Variants in RBM6 observed in about 807,000 individuals in gnomAD.
RBM6 encodes the protein RNA-binding protein 6.
In RBM6, 23 loss-of-function variants were observed where a neutral mutation model predicts 140.4. The observed-to-expected ratio is 0.16, with a 90% CI of 0.12 to 0.23. The LOEUF is 0.23. Among genes scored for constraint, RBM6 ranks in the 10% least tolerant of loss-of-function variants. The pLI is 1.00. For synonymous variants in RBM6, 439 were observed against 475.6 expected (o/e 0.92, Z 1.00); for missense variants, 1,139 against 1,386.7 (o/e 0.82, Z 2.84).
chr3:50,036,036 A>G (rs941218609), intron 6 of RBM6, among the ~76,000 whole-genome samples: 1 of 152,132 alleles, frequency 6.6e-6, no homozygotes, highest in African/African-American at 2.4e-5. Flanking sequence ...CTGGGATTAC[A>G]GACGTGAGCC....
intron 1 of RBM6, among the ~76,000 whole-genome samples, chr3:49,953,269 G>T (rs1163344160): frequency 1.3e-5 from 2 of 151,550 alleles, no homozygotes; most frequent in Non-Finnish European, 1.5e-5. Flanking sequence ...GCCCAGGTTG[G>T]AGTGCAGTGG....
chr3:50,051,047 A>AAG (rs894927174), intron 7 of RBM6, among the ~76,000 whole-genome samples: 1 of 151,974 alleles, frequency 6.6e-6, no homozygotes, highest in Admixed American at 6.6e-5. Context: ...AAGAAAAAAA[A>AAG]AGAGAGAGAG....
intron 5 of RBM6, among the ~76,000 whole-genome samples, chr3:49,995,818 A>C (rs2086058179): frequency 6.6e-6 from 1 of 152,134 alleles, no homozygotes; most frequent in African/African-American, 2.4e-5. Flanking sequence ...TTCTAATCTC[A>C]AAGTTGGTTG....
At chr3:49,958,279 G>T (rs143044001) in intron 1 of RBM6, among the ~76,000 whole-genome samples, 1,835 of 152,004 alleles carry the variant, frequency 0.012, 24 homozygotes, top group African/African-American at 0.041. Context: ...CAAAAGGCCG[G>T]GTGCGGTGGC....
chr3:49,949,257 G>A (rs1027505266), intron 1 of RBM6, among the ~76,000 whole-genome samples: 6 of 151,926 alleles, frequency 3.9e-5, no homozygotes, highest in African/African-American at 1.4e-4. Flanking sequence ...AAAAAGAATA[G>A]GTCTTGTTGA....
chr3:50,032,139 T>G lies in RBM6; in HGVS notation c.1558-16106T>G, dbSNP rs554002759. Among the ~76,000 whole-genome samples the G allele has an allele frequency of 1.1e-3, 174 of 152,254 alleles. 5 individuals carry two copies. The South Asian group carries it at 0.035, about 30-fold the overall frequency. ...ATGTGCCCAGTTAAAAAGCAGATTT[T>G]CTCCCAAGGTAAAGAGAGCAGATAG... On this transcript the variant is annotated intron_variant, in intron 6 of 20. Coordinates refer to ENST00000266022, the MANE Select transcript of RBM6 (RefSeq NM_005777.3).
intron 14 of RBM6, 101 bp downstream of exon 14, chr3:50,061,648 T>C (rs749648960): frequency 4.0e-6 from 6 of 1,500,034 alleles, no homozygotes; most frequent in Non-Finnish European, 5.3e-6. Flanking sequence ...TTTTATTCCC[T>C]GGATTCTCTG....
intron 6 of RBM6, among the ~76,000 whole-genome samples, chr3:50,019,334 G>A (rs1375304381): frequency 6.6e-6 from 1 of 151,922 alleles, no homozygotes; most frequent in Non-Finnish European, 1.5e-5. Context: ...CCTCCTTTGG[G>A]TATTTCTATT....
At chr3:49,960,759 C>T (rs532949138) in intron 1 of RBM6, among the ~76,000 whole-genome samples, 6 of 152,126 alleles carry the variant, frequency 3.9e-5, no homozygotes, top group South Asian at 2.1e-4. Context: ...GGATGGTGTC[C>T]GATCAGGTCT....
intron 17 of RBM6, 48 bp from the exon 18 acceptor site, chr3:50,068,642 G>A: frequency 1.3e-6 from 2 of 1,563,120 alleles, no homozygotes; most frequent in Non-Finnish European, 1.8e-6. Context: ...GCATCTCTAG[G>A]ACCATTGTTT....
chr3:50,033,418 A>G (rs1043021254), intron 6 of RBM6, among the ~76,000 whole-genome samples: 4 of 152,154 alleles, frequency 2.6e-5, no homozygotes, highest in African/African-American at 9.6e-5. Context: ...CAAAACTACT[A>G]AATTTATAAT....
At chr3:49,945,077 G>A (rs535397362) in intron 1 of RBM6, among the ~76,000 whole-genome samples, 8 of 151,106 alleles carry the variant, frequency 5.3e-5, no homozygotes, top group South Asian at 4.2e-4. Context: ...GGGTTTCACC[G>A]TGTTAGCCAG....
chr3:49,946,187 G>A lies in RBM6; in HGVS notation c.-67+5962G>A, dbSNP rs148513267. Among the ~76,000 whole-genome samples the A allele has an allele frequency of 3.8e-4, 57 of 151,588 alleles. No homozygotes were observed. In the East Asian group the frequency reaches 0.011, roughly 29 times the overall value. ...AGTCCTAGCATACTGTGTAATATAGGTTTCAATTCAGTTTCTCTGCATCCT... is the reference window on the plus strand; with the variant it reads ...AGTCCTAGCATACTGTGTAATATAGATTTCAATTCAGTTTCTCTGCATCCT... On this transcript the variant is annotated intron_variant, in intron 1 of 20. Coordinates refer to ENST00000266022, the MANE Select transcript of RBM6 (RefSeq NM_005777.3).
intron 19 of RBM6, among the ~76,000 whole-genome samples, chr3:50,073,443 C>A (rs1348051307): frequency 6.6e-6 from 1 of 152,102 alleles, no homozygotes; most frequent in Admixed American, 6.6e-5. Flanking sequence ...TCAGGAGAAC[C>A]CACTCCTGCA....
rs528788530 is a variant in RBM6, at chr3:49,968,321, C to G, written c.896C>G (p.Ser299Cys). 3.1e-6 allele frequency: 5 copies of G among 1,614,142 alleles called. No individual in the cohort carries two copies. In the African/African-American group the frequency reaches 6.7e-5, roughly 22 times the overall value. ...DPNILDYIQP[S>C]TQDREHSGMN... ...AATATTTTGGATTACATTCAGCCCT[C>G]TACACAAGATAGAGAACATTCTGGT... is the stretch of plus-strand genomic sequence containing the variant. The change falls in exon 3 of 21, where the codon TCT becomes TGT. Residue 299 changes from serine to cysteine, a missense_variant. Ser to Cys is a moderately radical substitution (Grantham distance 112). Transcript: ENST00000266022.
chr3:49,954,445 A>G (rs557654352), intron 1 of RBM6, among the ~76,000 whole-genome samples: 1 of 151,958 alleles, frequency 6.6e-6, no homozygotes, highest in South Asian at 2.1e-4. Flanking sequence ...ATCTCAAAAA[A>G]AAAAAAAAAA....
chr3:50,061,025 C>T lies in RBM6; in HGVS notation c.2271+27C>T, dbSNP rs761171322. 23 of 1,596,754 alleles carry T rather than the reference C, an allele frequency of 1.4e-5. No homozygotes were observed. In the Admixed American group the frequency reaches 4.0e-4, roughly 28 times the overall value. On this transcript the variant is annotated intron_variant, in intron 12 of 20. Transcript: ENST00000266022. Reference sequence around the variant, plus strand: ...TAGGCTGTAACAGGTGGGGAGTGCTCTATTAAAATCCTCAGGTGACTATAA... The same window carrying T: ...TAGGCTGTAACAGGTGGGGAGTGCTTTATTAAAATCCTCAGGTGACTATAA...
At chr3:50,024,477 CTTTTGACT>C (rs1255493035) in intron 6 of RBM6, among the ~76,000 whole-genome samples, 1 of 150,542 alleles carries the variant, frequency 6.6e-6, no homozygotes, top group East Asian at 1.9e-4. Context: ...ACCACAGAGT[CTTTTGACT>C]TTCTTTTGAG....
At chr3:50,007,266 G>A (rs184241056) in intron 6 of RBM6, among the ~76,000 whole-genome samples, 2 of 149,544 alleles carry the variant, frequency 1.3e-5, no homozygotes, top group Middle Eastern at 3.4e-3. Flanking sequence ...GTGCGATCTC[G>A]GCTCACTGCA....
Sources: allele counts gnomAD v4.1 joint callset (sites outside exome capture counted in the v4.1 genomes callset), GRCh38; gene constraint gnomAD v4.1.1; transcripts MANE v1.5; gene names NCBI Gene and HGNC (gene_info 2026-07-23, HGNC 2026-07-21).